Variants in ACSF3 observed in about 807,000 individuals in gnomAD.
The protein encoded by ACSF3 is malonate--CoA ligase ACSF3, mitochondrial.
Under a neutral mutation model 53.2 loss-of-function variants are expected in ACSF3, and 78 were observed. The observed-to-expected ratio is 1.47, with a 90% CI of 1.22 to 1.77. The LOEUF (loss-of-function observed/expected upper bound fraction) is 1.77. Among genes scored for constraint, ACSF3 ranks in the 40% most tolerant of loss-of-function variants. ACSF3 has a pLI of 0.00. For missense variants in ACSF3, 937 were observed against 771.1 expected, an observed-to-expected ratio of 1.22 and a Z score of -2.55; for synonymous variants, 414 against 333.1, an observed-to-expected ratio of 1.24 and a Z score of -2.65.
intron 10 of ACSF3, among the ~76,000 whole-genome samples, chr16:89,146,426 G>A (rs964990447): frequency 2.0e-5 from 3 of 152,136 alleles, no homozygotes; most frequent in African/African-American, 7.2e-5. Flanking sequence ...GGCCGCACGC[G>A]CTGGGCCCTT....
chr16:89,138,605 G>T (rs889172097), intron 8 of ACSF3, among the ~76,000 whole-genome samples: 1 of 152,230 alleles, frequency 6.6e-6, no homozygotes, highest in African/African-American at 2.4e-5. Flanking sequence ...AGGCTGTGCT[G>T]TGAAGCCCCT....
Position 89,101,231 on chromosome 16 carries a change from G to C in ACSF3, c.550G>C (p.Glu184Gln). The part of the protein sequence containing the change: ...IYTGAVEEPA[E>Q]VPVPEQGWRN... ...CACTGGAGCAGTAGAGGAACCGGCA[G>C]AGGTCCCGGTCCCAGAGCAGGGATG... The change falls in exon 3 of 11, where the codon GAG (glutamate) becomes CAG (glutamine). Residue 184 changes from glutamate to glutamine, a missense_variant. By Grantham distance (29) the Glu-to-Gln change is conservative (BLOSUM62 2). Transcript: ENST00000614302. 3 of 1,601,410 alleles carry C rather than the reference G, an allele frequency of 1.9e-6. No homozygotes were observed. The highest frequency in any genetic ancestry group is 2.6e-6 in the Non-Finnish European group (3 of 1,174,288).
At position 89,123,950 on chromosome 16, in the gene ACSF3, G is replaced by T. The variant is rs531845499; in HGVS notation, c.1239+3037G>T. Among the ~76,000 whole-genome samples the T allele has an allele frequency of 3.9e-5, 6 of 152,204 alleles. No individual in the cohort carries two copies. In the South Asian group the frequency reaches 6.2e-4, roughly 16 times the overall value. On this transcript the variant is annotated intron_variant, in intron 7 of 10. Transcript: ENST00000614302. ...CGCACGGGTATCACAGATACACGCA[G>T]TGTGCACACGGATAGCACACGTAGT...
rs1238164325 is a variant in ACSF3, at chr16:89,155,437, T to A, written c.*1230T>A. On this transcript the variant is annotated 3_prime_UTR_variant, in exon 11 of 11. Transcript: ENST00000614302. ...ACGTGGCCTGGGGCCCCTGCTCACTTGAGCATGTCGCCCACCAAGCTTGTC... is the reference window on the plus strand; with the variant it reads ...ACGTGGCCTGGGGCCCCTGCTCACTAGAGCATGTCGCCCACCAAGCTTGTC... 4.4e-6 allele frequency: 2 copies of A among 454,132 alleles called. No homozygotes were observed. Among genetic ancestry groups the A allele is most frequent in the Admixed American group, 4.7e-5 (2 of 42,582 alleles). The allele number at this position is 454,132 out of a possible 1,614,324, so 28.1% of individuals were successfully genotyped here.
Position 89,100,981 on chromosome 16 carries a change from C to T in ACSF3, c.300C>T (p.Phe100=), listed in dbSNP as rs1975236941. 1 of 1,613,638 alleles carries T rather than the reference C, an allele frequency of 6.2e-7. No individual in the cohort carries two copies. Among genetic ancestry groups the T allele is most frequent in the Non-Finnish European group, 8.5e-7 (1 of 1,179,840 alleles). Residue 100 remains phenylalanine (F), a synonymous_variant, in exon 3 of 11, where the codon TTC becomes TTT. Transcript: ENST00000614302. ...GGDLREERVS[F]LCANDASYVV... ...ACCTCCGGGAGGAGAGGGTCTCCTT[C>T]CTATGCGCTAACGATGCCTCCTACG...
intron 8 of ACSF3, 128 bp downstream of exon 8, chr16:89,133,390 G>A (rs986276340): frequency 1.5e-6 from 2 of 1,329,568 alleles, no homozygotes; most frequent in South Asian, 2.5e-5. Flanking sequence ...AAGATGGGGT[G>A]GAGTGGGGCT....
At position 89,137,316 on chromosome 16, in the gene ACSF3, A is replaced by T. The variant is rs537371191; in HGVS notation, c.1366+4054A>T. 2.7e-5 allele frequency among the ~76,000 whole-genome samples: 4 copies of T among 147,734 alleles called. No individual in the cohort carries two copies. In the South Asian group the frequency reaches 8.5e-4, roughly 31 times the overall value. ...GGAGGACCACCAGGAGCTCACGGGGAAGGATTGAGGGGAAGAGCCCCGGGT... is the reference window on the plus strand; with the variant it reads ...GGAGGACCACCAGGAGCTCACGGGGTAGGATTGAGGGGAAGAGCCCCGGGT... On this transcript the variant is annotated intron_variant, in intron 8 of 10. Coordinates refer to ENST00000614302, the MANE Select transcript of ACSF3 (RefSeq NM_001243279.3).
chr16:89,100,962 G>C lies in ACSF3; in HGVS notation c.281G>C (p.Arg94Pro). 3 of 1,613,562 alleles carry C rather than the reference G, an allele frequency of 1.9e-6. No homozygotes were observed. Among genetic ancestry groups the C allele is most frequent in the Non-Finnish European group, 2.5e-6 (3 of 1,179,962 alleles). ...RLCGCVGGDL[R>P]EERVSFLCAN... ...TGCGGGTGTGTCGGCGGGGACCTCC[G>C]GGAGGAGAGGGTCTCCTTCCTATGC... The change falls in exon 3 of 11, where the codon CGG (arginine) becomes CCG (proline). Residue 94 changes from arginine to proline, a missense_variant. Physicochemically the swap from Arg to Pro is moderately radical, Grantham distance 103. Coordinates refer to ENST00000614302, the MANE Select transcript of ACSF3 (RefSeq NM_001243279.3).
In ACSF3 at chr16:89,100,810, C is replaced by T. The variant is rs147915828; in HGVS notation, c.129C>T (p.Ser43=). Residue 43 remains serine (S), a synonymous_variant, in exon 3 of 11, where the codon AGC becomes AGT. Transcript: ENST00000614302. ...HTAPVARSDR[S]APVFTRALAF... The stretch of plus-strand genomic sequence containing the variant: ...CCCCAGTGGCCCGCTCGGACAGGAG[C>T]GCCCCGGTGTTCACCCGTGCCCTGG... 272 of 1,612,690 alleles carry T rather than the reference C, an allele frequency of 1.7e-4. No homozygotes were observed. Among genetic ancestry groups the T allele is most frequent in the African/African-American group, 2.1e-4 (16 of 74,954 alleles).
rs762719449 is a variant in ACSF3 at position 89,100,740 on chromosome 16, G to A, written c.59G>A (p.Arg20Gln). Residue 20 changes from arginine to glutamine, a missense_variant, in exon 3 of 11, where the codon CGG (arginine) becomes CAG (glutamine). Arg to Gln is a conservative substitution (Grantham distance 43). Coordinates refer to ENST00000614302, the MANE Select transcript of ACSF3 (RefSeq NM_001243279.3). ...CTGGGCTGCGCCTTGGCGTCCTGCC[G>A]GCTGGCGCCTGCGAGACACAGAGGA... ...RRLGCALASCRLAPARHRGSG... is the reference protein window; with the variant it reads ...RRLGCALASCQLAPARHRGSG... 9.3e-6 allele frequency: 15 copies of A among 1,605,378 alleles called. No homozygotes were observed. The highest frequency in any genetic ancestry group is 5.3e-5 in the African/African-American group (4 of 74,924).
Position 89,145,928 on chromosome 16 carries a change from C to G in ACSF3, c.1502-10C>G. On this transcript the variant is annotated splice_polypyrimidine_tract_variant and intron_variant, in intron 9 of 10. Transcript: ENST00000614302. The stretch of plus-strand genomic sequence containing the variant: ...ATCCCCATGTTCTCAAACTGTTCTT[C>G]TATCCGCAGATGTGGCTGTGATTGG... 2.5e-6 allele frequency: 4 copies of G among 1,611,534 alleles called. No homozygotes were observed. The highest frequency in any genetic ancestry group is 2.5e-6 in the Non-Finnish European group (3 of 1,177,652).
At chr16:89,137,036 G>A (rs1013785295) in intron 8 of ACSF3, among the ~76,000 whole-genome samples, 6 of 152,378 alleles carry the variant, frequency 3.9e-5, no homozygotes, top group African/African-American at 1.4e-4. Context: ...GGGGCGAGTG[G>A]AAGGTGACGT....
At chr16:89,134,556 G>A (rs1025126164) in intron 8 of ACSF3, among the ~76,000 whole-genome samples, 1 of 152,158 alleles carries the variant, frequency 6.6e-6, no homozygotes, top group Non-Finnish European at 1.5e-5. Flanking sequence ...TAACTACCAC[G>A]GACCAGAAGA....
chr16:89,102,894 A>C, intron 4 of ACSF3, 135 bp downstream of exon 4: 5 of 1,273,460 alleles, frequency 3.9e-6, no homozygotes, highest in Non-Finnish European at 5.5e-6. Flanking sequence ...CCGCGCCCTC[A>C]GACTAGGCAT....
At chr16:89,138,779 G>A (rs542439669) in intron 8 of ACSF3, among the ~76,000 whole-genome samples, 44 of 152,368 alleles carry the variant, frequency 2.9e-4, no homozygotes, top group Admixed American at 2.0e-4. Context: ...CCAGGCCCAC[G>A]AGGCGGCCAT....
chr16:89,126,614 G>A (rs1174423856), intron 7 of ACSF3, among the ~76,000 whole-genome samples: 2 of 152,166 alleles, frequency 1.3e-5, no homozygotes, highest in African/African-American at 4.8e-5. Flanking sequence ...ATTGCTAGTA[G>A]GTAGAAATAG....
At chr16:89,126,520 C>T (rs758304696) in intron 7 of ACSF3, among the ~76,000 whole-genome samples, 15 of 152,166 alleles carry the variant, frequency 9.9e-5, no homozygotes, top group African/African-American at 1.4e-4. Context: ...CTGCCCGCCT[C>T]GGCCTCCCAA....
intron 1 of ACSF3, among the ~76,000 whole-genome samples, chr16:89,094,682 C>T (rs1023318411): frequency 6.6e-6 from 1 of 152,110 alleles, no homozygotes; most frequent in Admixed American, 6.5e-5. Context: ...CACTTGTGGC[C>T]AGGAGTTCAA....
At chr16:89,136,561 A>C (rs1910513809) in intron 8 of ACSF3, 1 of 1,275,364 alleles carries the variant, frequency 7.8e-7, no homozygotes, top group African/African-American at 1.5e-5. Context: ...CCCTCCTGCC[A>C]CACGGATTCT....
Sources: allele counts gnomAD v4.1 joint callset (sites outside exome capture counted in the v4.1 genomes callset), GRCh38; gene constraint gnomAD v4.1.1; transcripts MANE v1.5; gene names NCBI Gene and HGNC (gene_info 2026-07-23, HGNC 2026-07-21).